Variants in ASXL3 observed in about 807,000 individuals in gnomAD.
ASXL3 encodes the protein putative Polycomb group protein ASXL3.
ASXL3 carries 34 observed loss-of-function variants against 170.6 expected under a neutral mutation model. That is an observed-to-expected ratio of 0.20 (90% CI 0.15 to 0.27). The LOEUF (loss-of-function observed/expected upper bound fraction) is 0.27, where lower values mean the gene tolerates loss of function less well. ASXL3 is among the 10% of genes least tolerant of loss of function. The pLI, the probability that ASXL3 is intolerant of heterozygous loss-of-function variation, is 1.00. For synonymous variants in ASXL3, 1,002 were observed against 989.1 expected, an observed-to-expected ratio of 1.01 and a Z score of -0.24; for missense variants, 2,592 against 2,695.3, an observed-to-expected ratio of 0.96 and a Z score of 0.85.
At chr18:33,701,120 C>T (rs2145326174) in intron 8 of ASXL3, among the ~76,000 whole-genome samples, 1 of 151,664 alleles carries the variant, frequency 6.6e-6, no homozygotes, top group South Asian at 2.1e-4. Context: ...GTTTTTCAGT[C>T]TAGTTAAAGA....
chr18:33,626,279 A>C (rs1033770047), intron 2 of ASXL3, among the ~76,000 whole-genome samples: 1 of 151,930 alleles, frequency 6.6e-6, no homozygotes, highest in African/African-American at 2.4e-5. Flanking sequence ...TGATCATTTA[A>C]AAAAAAATCT....
At chr18:33,651,595 C>T (rs1284177062) in intron 4 of ASXL3, among the ~76,000 whole-genome samples, 1 of 152,048 alleles carries the variant, frequency 6.6e-6, no homozygotes, top group Non-Finnish European at 1.5e-5. Context: ...TTGTAACATA[C>T]CCTTGATGCG....
intron 8 of ASXL3, among the ~76,000 whole-genome samples, chr18:33,722,700 A>T (rs1410984911): frequency 6.6e-6 from 1 of 152,178 alleles, no homozygotes; most frequent in Admixed American, 6.6e-5. Context: ...CAGAAGACCT[A>T]GCTAAGATTA....
At chr18:33,624,139 C>A (rs531084849) in intron 2 of ASXL3, among the ~76,000 whole-genome samples, 22 of 152,220 alleles carry the variant, frequency 1.4e-4, no homozygotes, top group Admixed American at 1.3e-3. Flanking sequence ...GCCTAGGTGA[C>A]AGAGTGAGGC....
At chr18:33,653,973 AT>A (rs1223333246) in intron 4 of ASXL3, among the ~76,000 whole-genome samples, 1 of 151,578 alleles carries the variant, frequency 6.6e-6, no homozygotes, top group Admixed American at 6.6e-5. Context: ...GACACTTTTC[AT>A]TTCTTTTATC....
At chr18:33,589,552 G>GA (rs1225335343) in intron 1 of ASXL3, among the ~76,000 whole-genome samples, 4 of 152,096 alleles carry the variant, frequency 2.6e-5, no homozygotes, top group African/African-American at 9.7e-5. Context: ...TATAGTGAGA[G>GA]AAAAAAGGCT....
intron 4 of ASXL3, among the ~76,000 whole-genome samples, chr18:33,652,090 T>C (rs2066007886): frequency 6.6e-6 from 1 of 152,070 alleles, no homozygotes; most frequent in Admixed American, 6.6e-5. Flanking sequence ...TTACTTGATA[T>C]ATCCGTGTTG....
intron 7 of ASXL3, among the ~76,000 whole-genome samples, chr18:33,678,604 A>G (rs899610441): frequency 1.3e-5 from 2 of 152,220 alleles, no homozygotes; most frequent in Non-Finnish European, 2.9e-5. Context: ...CTTGTATAGC[A>G]TAGGCTGTGG....
intron 8 of ASXL3, among the ~76,000 whole-genome samples, chr18:33,723,659 A>G (rs139386026): frequency 6.6e-6 from 1 of 152,292 alleles, no homozygotes; most frequent in East Asian, 1.9e-4. Context: ...CCATAAGCTT[A>G]GTTGATAAAG....
intron 3 of ASXL3, among the ~76,000 whole-genome samples, chr18:33,645,621 A>T (rs1211960343): frequency 1.3e-5 from 2 of 152,010 alleles, no homozygotes; most frequent in Non-Finnish European, 2.9e-5. Flanking sequence ...TCCAGAAGAC[A>T]AAAGCTTATA....
rs760194415 is a variant in ASXL3, at chr18:33,743,228, C to G, written c.3380C>G (p.Thr1127Ser). The part of the protein sequence containing the change: ...RAHLFQTSKE[T>S]RLPPPLSSKE... ...CATCTCTTCCAGACCTCTAAAGAGA[C>G]CCGGTTGCCTCCTCCGCTCAGCTCA... The change falls in exon 12 of 12, where the codon ACC (threonine) becomes AGC (serine). Residue 1127 changes from threonine to serine, a missense_variant. Thr to Ser is a moderately conservative substitution (Grantham distance 58, BLOSUM62 1). Around this residue, in one of 4 missense-constraint regions of ASXL3, gnomAD observed 2,246 missense variants for 2,219.6 expected, o/e 1.01. Transcript: ENST00000269197. 1 of 1,613,970 alleles carries G rather than the reference C, an allele frequency of 6.2e-7. No individual in the cohort carries two copies. The highest frequency in any genetic ancestry group is 8.5e-7 in the Non-Finnish European group (1 of 1,179,868).
intron 9 of ASXL3, among the ~76,000 whole-genome samples, chr18:33,733,915 T>G (rs543784897): frequency 1.7e-4 from 26 of 152,254 alleles, no homozygotes; most frequent in African/African-American, 6.3e-4. Context: ...TTCACTACAT[T>G]TATTATTATG....
rs534675348 is a variant in ASXL3 at position 33,747,885 on chromosome 18, G to A, written c.*1290G>A. The A allele has an allele frequency of 2.2e-4, 33 of 152,262 alleles. No individual in the cohort carries two copies. Among genetic ancestry groups the A allele is most frequent in the African/African-American group, 6.5e-4 (27 of 41,532 alleles). 9.4% of individuals were successfully genotyped at this position (152,262 alleles called of 1,614,324 possible). A position where few individuals can be genotyped will look rare whatever the true frequency, so the allele number is the denominator to read the frequency against. The stretch of plus-strand genomic sequence containing the variant: ...TCAGTGTGCATCCAGTAAAGTCTGC[G>A]TGTTGAGTATTTGAGCTACATTCCA... On this transcript the variant is annotated 3_prime_UTR_variant, in exon 12 of 12. Transcript: ENST00000269197.
chr18:33,584,697 T>C (rs996418071), intron 1 of ASXL3, among the ~76,000 whole-genome samples: 1 of 152,128 alleles, frequency 6.6e-6, no homozygotes, highest in African/African-American at 2.4e-5. Flanking sequence ...TTCCCTAAAA[T>C]ACCCTCTTGA....
intron 1 of ASXL3, among the ~76,000 whole-genome samples, chr18:33,583,676 A>G (rs62090632): frequency 0.019 from 2,837 of 152,182 alleles, 44 homozygotes; most frequent in Admixed American, 0.026. Context: ...TTTTTGACAA[A>G]TTCATGAGTA....
At chr18:33,726,193 G>A (rs187428048) in intron 8 of ASXL3, among the ~76,000 whole-genome samples, 1 of 152,206 alleles carries the variant, frequency 6.6e-6, no homozygotes, top group African/African-American at 2.4e-5. Context: ...CTTGATATCA[G>A]CCTTGCCTGC....
chr18:33,673,753 G>A (rs2066384758), intron 7 of ASXL3, among the ~76,000 whole-genome samples: 1 of 152,264 alleles, frequency 6.6e-6, no homozygotes, highest in East Asian at 1.9e-4. Context: ...AAAGTCAACT[G>A]AAAGATATAA....
At position 33,592,533 on chromosome 18, in the gene ASXL3, G is replaced by A. The variant is rs118012787; in HGVS notation, c.54+13848G>A. Among the ~76,000 whole-genome samples, 718 of 152,126 alleles carry A rather than the reference G, an allele frequency of 4.7e-3. 4 individuals carry two copies. Among genetic ancestry groups the A allele is most frequent in the Middle Eastern group, 0.017 (5 of 294 alleles). Reference sequence around the variant, plus strand: ...TATTTCTTTTCTGGTTGTATTGATCGCAGAAGCCGGTGACAAGATGGAATT... The same window carrying A: ...TATTTCTTTTCTGGTTGTATTGATCACAGAAGCCGGTGACAAGATGGAATT... On this transcript the variant is annotated intron_variant, in intron 1 of 11. Transcript: ENST00000269197.
intron 2 of ASXL3, among the ~76,000 whole-genome samples, chr18:33,633,291 T>C (rs950365098): frequency 1.3e-5 from 2 of 152,204 alleles, no homozygotes; most frequent in African/African-American, 4.8e-5. Flanking sequence ...TATAAAACTC[T>C]TTATTGTAGC....
Sources: gnomAD v4.1 joint callset for allele counts (sites outside exome capture counted in the v4.1 genomes callset) on GRCh38, gnomAD v4.1.1 for gene constraint, gnomAD v4.1.1 regional missense constraint, MANE v1.5 for transcripts, NCBI Gene and HGNC (gene_info 2026-07-23, HGNC 2026-07-21) for gene names.